Variants in TARBP1 observed in about 807,000 individuals in gnomAD.
TARBP1 encodes the protein tRNA (guanosine(18)-2'-O)-methyltransferase TARBP1.
In TARBP1, 144 loss-of-function variants were observed where a neutral mutation model predicts 178.6. The observed-to-expected ratio is 0.81, with a 90% CI of 0.70 to 0.93. The LOEUF (loss-of-function observed/expected upper bound fraction) is 0.93. Ranked by LOEUF, TARBP1 falls within the 40% of genes least tolerant of loss-of-function variation. The pLI, the probability that TARBP1 is intolerant of heterozygous loss-of-function variation, is 0.00. For synonymous variants in TARBP1, 787 were observed against 781.0 expected (o/e 1.01, Z -0.13); for missense variants, 2,067 against 2,011.7 (o/e 1.03, Z -0.53).
chr1:234,393,718 C>A lies in TARBP1; in HGVS notation c.4363G>T (p.Ala1455Ser). Residue 1455 changes from alanine (A) to serine (S), a missense_variant, in exon 27 of 30, where the codon GCC (alanine) becomes TCC (serine). Transcript: ENST00000040877. ...DLELLFQDRA[A>S]RLGKSISRLI... ...CTACTAATTGACTTTCCAAGTCTGGCAGCACGATCCTGAAACAGGAGCTCC... is the reference window on the plus strand; with the variant it reads ...CTACTAATTGACTTTCCAAGTCTGGAAGCACGATCCTGAAACAGGAGCTCC... 1 of 1,613,988 alleles carries A rather than the reference C, an allele frequency of 6.2e-7. No individual in the cohort carries two copies. The highest frequency in any genetic ancestry group is 8.5e-7 in the Non-Finnish European group (1 of 1,180,002).
In TARBP1 at chr1:234,479,111, G is replaced by A; in HGVS notation, c.-8C>T. ...CGCGAGCACCCACTCCATTTGCCGA[G>A]CGCCCGCGCCACCGGCCCGGGCTCC... On this transcript the variant is annotated 5_prime_UTR_variant, in exon 1 of 30. Coordinates refer to ENST00000040877, the MANE Select transcript of TARBP1 (RefSeq NM_005646.4). 1 of 1,525,500 alleles carries A rather than the reference G, an allele frequency of 6.6e-7. No homozygotes were observed. Among genetic ancestry groups the A allele is most frequent in the Non-Finnish European group, 8.7e-7 (1 of 1,150,230 alleles). 94.5% of individuals were successfully genotyped at this position (1,525,500 alleles called of 1,614,324 possible). A position where few individuals can be genotyped will look rare whatever the true frequency, so the allele number is the denominator to read the frequency against.
chr1:234,441,139 G>A (rs370068775), intron 12 of TARBP1, among the ~76,000 whole-genome samples: 6 of 152,292 alleles, frequency 3.9e-5, no homozygotes. Flanking sequence ...AGCTGAGATT[G>A]CACCACTGTA....
At chr1:234,399,209 C>G (rs1045632112) in intron 25 of TARBP1, among the ~76,000 whole-genome samples, 2 of 152,206 alleles carry the variant, frequency 1.3e-5, no homozygotes, top group Non-Finnish European at 2.9e-5. Context: ...TAAAAATGAC[C>G]AACAGTGAAA....
chr1:234,433,233 A>T (rs2103142834), intron 14 of TARBP1, among the ~76,000 whole-genome samples, 177 bp downstream of exon 14: 1 of 152,300 alleles, frequency 6.6e-6, no homozygotes, highest in South Asian at 2.1e-4. Context: ...GCCAGACTCC[A>T]TCTCCAAAAA....
At chr1:234,439,018 C>G (rs1033277664) in intron 12 of TARBP1, among the ~76,000 whole-genome samples, 26 of 152,060 alleles carry the variant, frequency 1.7e-4, no homozygotes, top group African/African-American at 4.8e-4. Context: ...ATTTTATATC[C>G]AGAAAAAATA....
chr1:234,420,745 C>T lies in TARBP1; in HGVS notation c.3512G>A (p.Arg1171Gln), dbSNP rs763888507. 11 of 1,612,798 alleles carry T rather than the reference C, an allele frequency of 6.8e-6. No homozygotes were observed. Among genetic ancestry groups the T allele is most frequent in the Middle Eastern group, 1.7e-4 (1 of 6,052 alleles). ...VNSLQHRVKN[R>Q]VWQTLLVLFP... ...AAGTACCAGCAGAGTCTGCCACACT[C>T]GGTTTTTCACTCTGTGCTGTAGAGA... Residue 1171 changes from arginine (R) to glutamine (Q), a missense_variant, in exon 21 of 30, where the codon CGA becomes CAA. Arg to Gln is a conservative substitution (Grantham distance 43, BLOSUM62 1). Coordinates refer to ENST00000040877, the MANE Select transcript of TARBP1 (RefSeq NM_005646.4).
chr1:234,465,525 C>A, intron 5 of TARBP1, 131 bp downstream of exon 5: 2 of 713,030 alleles, frequency 2.8e-6, no homozygotes, highest in Admixed American at 3.1e-5. Flanking sequence ...AGAAAAAGGA[C>A]CACATGATAA....
intron 23 of TARBP1, chr1:234,407,635 C>T (rs1661394537): frequency 6.6e-6 from 1 of 152,166 alleles, no homozygotes; most frequent in Non-Finnish European, 1.5e-5. Context: ...AGTGCCTGGA[C>T]TCATTTATTG....
Position 234,471,271 on chromosome 1 carries a change from C to CA in TARBP1, c.1030-15dup. 15 of 1,510,518 alleles carry CA rather than the reference C, an allele frequency of 9.9e-6. No homozygotes were observed. Among genetic ancestry groups the CA allele is most frequent in the Non-Finnish European group, 1.3e-5 (14 of 1,110,326 alleles). The allele number at this position is 1,510,518 out of a possible 1,614,324, so 93.6% of individuals were successfully genotyped here. ...TATAACATGTATCTAAAAATAAGAGCAAAAAAATCATATGAAATGAAAATG... is the reference window on the plus strand; with the variant it reads ...TATAACATGTATCTAAAAATAAGAGCAAAAAAAATCATATGAAATGAAAATG... On this transcript the variant is annotated splice_polypyrimidine_tract_variant and intron_variant, in intron 2 of 29. Coordinates refer to ENST00000040877, the MANE Select transcript of TARBP1 (RefSeq NM_005646.4).
At position 234,393,804 on chromosome 1, in the gene TARBP1, TC is replaced by T; in HGVS notation, c.4276del (p.Glu1426SerfsTer19). On this transcript the variant is annotated frameshift_variant, in exon 27 of 30. Coordinates refer to ENST00000040877, the MANE Select transcript of TARBP1 (RefSeq NM_005646.4). LOFTEE classifies it high-confidence loss of function. ...TNLVEADNQA[E>X]WTDVQKKIIP... ...AATCTTCTTCTGAACGTCGGTCCAC[TC>T]CGCTTGGTTATCTGCTTCGACCAAA... The T allele has an allele frequency of 6.2e-7, 1 of 1,613,260 alleles. No homozygotes were observed. Among genetic ancestry groups the T allele is most frequent in the Non-Finnish European group, 8.5e-7 (1 of 1,179,544 alleles).
chr1:234,431,903 C>T (rs947447385), intron 14 of TARBP1, among the ~76,000 whole-genome samples: 4 of 150,620 alleles, frequency 2.7e-5, no homozygotes, highest in African/African-American at 4.9e-5. Context: ...TTTGGGAGGC[C>T]GAGGTGGGTG....
intron 7 of TARBP1, among the ~76,000 whole-genome samples, 170 bp downstream of exon 7, chr1:234,460,091 C>A (rs934179554): frequency 6.6e-6 from 1 of 152,062 alleles, no homozygotes; most frequent in Non-Finnish European, 1.5e-5. Flanking sequence ...TTCAACTATA[C>A]GAATAATACA....
Position 234,478,357 on chromosome 1 carries a change from G to A in TARBP1, c.747C>T (p.Ala249=), listed in dbSNP as rs1669779637. The change falls in exon 1 of 30, where the codon GCC becomes GCT. Residue 249 remains alanine, a synonymous_variant. Transcript: ENST00000040877. ...CCGGGCCCGCCTCGCGCGCGCCGCG[G>A]GCGCGGTCGCCGCCGGGCTCGGGCA... The part of the protein sequence containing the change: ...KLLPEPGGDR[A]RGAREAGPDA... The A allele has an allele frequency of 7.1e-6, 9 of 1,269,510 alleles. No homozygotes were observed. The highest frequency in any genetic ancestry group is 8.9e-6 in the Non-Finnish European group (9 of 1,012,474). The allele number at this position is 1,269,510 out of a possible 1,614,324, so 78.6% of individuals were successfully genotyped here.
Position 234,446,857 on chromosome 1 carries a change from G to C in TARBP1, c.2080C>G (p.Leu694Val), listed in dbSNP as rs372614132. The C allele has an allele frequency of 1.9e-6, 3 of 1,613,940 alleles. No homozygotes were observed. Among genetic ancestry groups the C allele is most frequent in the Non-Finnish European group, 2.5e-6 (3 of 1,180,004 alleles). ...PLLKTDRCLQ[L>V]LLKLLNTCRL... ...CATGTGTTCAACAGCTTCAACAGCA[G>C]CTGGAGGCATCTGTCAGTCTTCAGC... The change falls in exon 12 of 30, where the codon CTG becomes GTG. Residue 694 changes from leucine to valine, a missense_variant. Physicochemically the swap from Leu to Val is conservative, Grantham distance 32. Transcript: ENST00000040877.
rs191162717 is a variant in TARBP1, at chr1:234,473,914, T to C, written c.932-1103A>G. ...AGTTTTCAGCAATATCTTAAGAAGA[T>C]AGTAGTATTATAAGAACAGGATATT... is the stretch of plus-strand genomic sequence containing the variant. On this transcript the variant is annotated intron_variant, in intron 1 of 29. Coordinates refer to ENST00000040877, the MANE Select transcript of TARBP1 (RefSeq NM_005646.4). 2.1e-3 allele frequency among the ~76,000 whole-genome samples: 316 copies of C among 152,230 alleles called. 2 individuals are homozygous for C. The highest frequency in any genetic ancestry group is 3.5e-3 in the South Asian group (17 of 4,824).
intron 2 of TARBP1, among the ~76,000 whole-genome samples, chr1:234,472,355 A>AAAAAAAAAAAAAG (rs1558261613): frequency 7.3e-6 from 1 of 136,138 alleles, no homozygotes. Context: ...AAAAAAAAAA[A>AAAAAAAAAAAAAG]AACTCAAAAG....
chr1:234,429,789 T>A, intron 15 of TARBP1, 112 bp from the exon 16 acceptor site: 1 of 1,191,106 alleles, frequency 8.4e-7, no homozygotes, highest in Non-Finnish European at 1.2e-6. Flanking sequence ...AGTGTACAGA[T>A]ATAAATGGTC....
chr1:234,463,983 T>C (rs902941073), intron 5 of TARBP1, 49 bp from the exon 6 acceptor site: 8 of 1,270,206 alleles, frequency 6.3e-6, no homozygotes, highest in African/African-American at 4.6e-5. Flanking sequence ...TATTTACAAG[T>C]GATTACACTA....
At position 234,432,915 on chromosome 1, in the gene TARBP1, G is replaced by A. The variant is rs999110517; in HGVS notation, c.2394+495C>T. 2.6e-5 allele frequency among the ~76,000 whole-genome samples: 4 copies of A among 151,184 alleles called. 1 individual carries two copies. Among genetic ancestry groups the A allele is most frequent in the Admixed American group, 2.6e-4 (4 of 15,120 alleles). On this transcript the variant is annotated intron_variant, in intron 14 of 29. Transcript: ENST00000040877. ...GCAAAAGACCTAGTACAGGTGAAAT[G>A]TCTATATCTAAATGATTTTAAGATG... is the stretch of plus-strand genomic sequence containing the variant.
Sources: allele counts gnomAD v4.1 joint callset (sites outside exome capture counted in the v4.1 genomes callset), GRCh38; gene constraint gnomAD v4.1.1; transcripts MANE v1.5; gene names NCBI Gene and HGNC (gene_info 2026-07-23, HGNC 2026-07-21).